The following GRID1 variants were observed in gnomAD, a reference collection of about 807,000 sequenced individuals.
GRID1 encodes glutamate receptor ionotropic, delta-1.
A neutral mutation model predicts 98.0 loss-of-function variants in GRID1; 28 were observed. That is an observed-to-expected ratio of 0.29 (90% CI 0.21 to 0.39). The LOEUF (loss-of-function observed/expected upper bound fraction) is 0.39. Ranked by LOEUF, GRID1 falls within the 10% of genes least tolerant of loss-of-function variation. GRID1 has a pLI of 1.00. For missense variants in GRID1, 1,111 were observed against 1,340.5 expected (o/e 0.83, Z 2.67); for synonymous variants, 553 against 538.5 (o/e 1.03, Z -0.37).
chr10:86,005,523 G>A (rs1275420326), intron 4 of GRID1, among the ~76,000 whole-genome samples: 2 of 152,084 alleles, frequency 1.3e-5, no homozygotes, highest in African/African-American at 2.4e-5. Context: ...CAAAGCACAG[G>A]ATACCTGAAC....
chr10:85,886,507 A>G (rs1233787294), intron 5 of GRID1, among the ~76,000 whole-genome samples: 1 of 152,214 alleles, frequency 6.6e-6, no homozygotes, highest in Non-Finnish European at 1.5e-5. Context: ...ACTGTATCCA[A>G]AACAGCCAAT....
chr10:85,645,536 C>A (rs911643751), intron 13 of GRID1: 1 of 152,206 alleles, frequency 6.6e-6, no homozygotes, highest in Admixed American at 6.5e-5. Flanking sequence ...TCTAAACATT[C>A]AAAATTTATC....
In GRID1 at chr10:85,602,594, CAGGGCCGAG is replaced by C; in HGVS notation, c.2700_2708del (p.Ser901_Leu903del). The C allele has an allele frequency of 6.2e-7, 1 of 1,614,130 alleles. No homozygotes were observed. Among genetic ancestry groups the C allele is most frequent in the Non-Finnish European group, 8.5e-7 (1 of 1,180,020 alleles). On this transcript the variant is annotated inframe_deletion, in exon 16 of 16. Coordinates refer to ENST00000327946, the MANE Select transcript of GRID1 (RefSeq NM_017551.3). ...GGGTGGGAGCCAGGCCCCCCATCTC[CAGGGCCGAG>C]AGCTCAATCGACGCTGGGGAAATCT...
intron 2 of GRID1, among the ~76,000 whole-genome samples, chr10:86,217,761 G>A (rs913583330): frequency 2.0e-5 from 3 of 152,266 alleles, no homozygotes; most frequent in African/African-American, 2.4e-5. Flanking sequence ...GGAGCTACAC[G>A]GTGGTCTCTC....
At chr10:85,759,991 C>G (rs914867124) in intron 8 of GRID1, among the ~76,000 whole-genome samples, 1 of 152,132 alleles carries the variant, frequency 6.6e-6, no homozygotes, top group African/African-American at 2.4e-5. Flanking sequence ...CTCTCTCGCC[C>G]CATATCACCA....
chr10:86,180,020 A>T (rs867707582), intron 3 of GRID1, among the ~76,000 whole-genome samples: 1 of 151,962 alleles, frequency 6.6e-6, no homozygotes, highest in African/African-American at 2.4e-5. Context: ...CCACAAAGAA[A>T]CCAGAGCTCC....
intron 4 of GRID1, among the ~76,000 whole-genome samples, chr10:86,075,388 G>T (rs1843866243): frequency 1.3e-5 from 2 of 149,950 alleles, no homozygotes; most frequent in Non-Finnish European, 3.0e-5. Context: ...AGAGATCAGG[G>T]TGATGCTGCC....
chr10:85,604,102 C>A (rs1243619284), intron 15 of GRID1, among the ~76,000 whole-genome samples: 3 of 152,142 alleles, frequency 2.0e-5, no homozygotes, highest in African/African-American at 7.2e-5. Flanking sequence ...GGCTAACCCC[C>A]ACAAAGGGTC....
At chr10:86,090,512 G>A (rs1363880184) in intron 4 of GRID1, among the ~76,000 whole-genome samples, 1 of 151,444 alleles carries the variant, frequency 6.6e-6, no homozygotes, top group Non-Finnish European at 1.5e-5. Context: ...ATAGCCTCAG[G>A]AACCTGTGAG....
At chr10:86,293,887 G>A (rs1847550924) in intron 2 of GRID1, among the ~76,000 whole-genome samples, 1 of 152,204 alleles carries the variant, frequency 6.6e-6, no homozygotes, top group African/African-American at 2.4e-5. Flanking sequence ...TTGGAGCTAA[G>A]GCTCTAGTAA....
At chr10:85,630,170 G>A (rs1263332443) in intron 13 of GRID1, among the ~76,000 whole-genome samples, 1 of 152,268 alleles carries the variant, frequency 6.6e-6, no homozygotes. Flanking sequence ...CCTTTATAGA[G>A]TCTTCAATCC....
At chr10:85,965,083 A>T (rs530344735) in intron 4 of GRID1, among the ~76,000 whole-genome samples, 8 of 152,346 alleles carry the variant, frequency 5.3e-5, no homozygotes, top group African/African-American at 1.9e-4. Flanking sequence ...AAAAGCACAA[A>T]GAGACACCAT....
intron 3 of GRID1, among the ~76,000 whole-genome samples, chr10:86,158,631 T>C (rs1845278989): frequency 6.6e-6 from 1 of 152,076 alleles, no homozygotes; most frequent in Admixed American, 6.6e-5. Flanking sequence ...TGGGAGGCCA[T>C]GGGATGAGTC....
intron 2 of GRID1, among the ~76,000 whole-genome samples, chr10:86,241,455 C>A (rs1200126018): frequency 6.6e-6 from 1 of 152,226 alleles, no homozygotes; most frequent in Non-Finnish European, 1.5e-5. Context: ...AATGCCCCTG[C>A]CAAACGAGCA....
At chr10:86,264,639 G>A in intron 2 of GRID1, 1 of 462,400 alleles carries the variant, frequency 2.2e-6, no homozygotes. Flanking sequence ...GAGGTAGGTT[G>A]GGAGCGAAGT....
intron 4 of GRID1, among the ~76,000 whole-genome samples, chr10:86,029,071 G>C (rs977783643): frequency 2.0e-5 from 3 of 152,162 alleles, no homozygotes; most frequent in Non-Finnish European, 2.9e-5. Context: ...TGTACCTGCA[G>C]CTCCAGCCTC....
At chr10:86,239,784 G>A (rs1292889849) in intron 2 of GRID1, among the ~76,000 whole-genome samples, 6 of 152,100 alleles carry the variant, frequency 3.9e-5, no homozygotes, top group African/African-American at 1.4e-4. Flanking sequence ...TCCTAACCAT[G>A]CCTCATATAC....
At chr10:85,723,268 A>C (rs969404824) in intron 11 of GRID1, 127 bp from the exon 12 acceptor site, 1 of 899,976 alleles carries the variant, frequency 1.1e-6, no homozygotes, top group Non-Finnish European at 1.6e-6. Flanking sequence ...CAGGGAGGTG[A>C]CTGTCAGCTG....
Position 85,854,561 on chromosome 10 carries a change from G to T in GRID1, c.1168C>A (p.Pro390Thr). 1 of 1,613,484 alleles carries T rather than the reference G, an allele frequency of 6.2e-7. No homozygotes were observed. Among genetic ancestry groups the T allele is most frequent in the Non-Finnish European group, 8.5e-7 (1 of 1,179,380 alleles). ...CCAAGGATTTCAAACTGGACATAGG[G>T]ATTCGAACTGTCCTCCCGAAACTCC... ...VMEFREDSSNPYVQFEILGTT... is the reference protein window; with the variant it reads ...VMEFREDSSNTYVQFEILGTT... The change falls in exon 8 of 16, where the codon CCC becomes ACC. Residue 390 changes from proline (P) to threonine (T), a missense_variant. Pro to Thr is a conservative substitution (Grantham distance 38, BLOSUM62 -1). Transcript: ENST00000327946.
Sources: gnomAD v4.1 joint callset for allele counts (sites outside exome capture counted in the v4.1 genomes callset) on GRCh38, gnomAD v4.1.1 for gene constraint, MANE v1.5 for transcripts, NCBI Gene and HGNC (gene_info 2026-07-23, HGNC 2026-07-21) for gene names.